LIG3: variants seen among roughly 807,000 people sequenced by gnomAD.
LIG3 encodes the protein DNA ligase 3, also known as ligase II, DNA, ATP-dependent.
A neutral mutation model predicts 110.9 loss-of-function variants in LIG3; 58 were observed. The ratio of observed to expected loss-of-function variants is 0.52; its 90% CI spans 0.42 to 0.65. LIG3 has a LOEUF of 0.65. Ranked by LOEUF, LIG3 falls within the 30% of genes least tolerant of loss-of-function variation. The pLI is 0.00. For synonymous variants in LIG3, 422 were observed against 472.8 expected, an observed-to-expected ratio of 0.89 and a Z score of 1.39; for missense variants, 1,094 against 1,273.8, an observed-to-expected ratio of 0.86 and a Z score of 2.15.
Position 35,005,640 on chromosome 17 carries a change from A to AT in LIG3, c.*1142dup, listed in dbSNP as rs745832766. On this transcript the variant is annotated 3_prime_UTR_variant, in exon 20 of 20. Coordinates refer to ENST00000378526, the MANE Select transcript of LIG3 (RefSeq NM_013975.4). ...CACCAAATATCCCAAAACTCAATCG[A>AT]TTTTTTTTCTTCTATTCATTGGATT... The AT allele has an allele frequency of 2.3e-5, 13 of 572,816 alleles. No homozygotes were observed. The highest frequency in any genetic ancestry group is 8.8e-5 in the East Asian group (2 of 22,734). 35.5% of individuals were successfully genotyped at this position (572,816 alleles called of 1,614,324 possible). A position where few individuals can be genotyped will look rare whatever the true frequency, so the allele number is the denominator to read the frequency against.
rs1316780969 is a variant in LIG3 at position 35,007,873 on chromosome 17, T to TAACA, written c.*3372_*3375dup. 1.3e-5 allele frequency: 2 copies of TAACA among 152,078 alleles called. No homozygotes were observed. Among genetic ancestry groups the TAACA allele is most frequent in the African/African-American group, 2.4e-5 (1 of 41,390 alleles). The allele number at this position is 152,078 out of a possible 1,614,324, so 9.4% of individuals were successfully genotyped here. A position where few individuals can be genotyped will look rare whatever the true frequency, so the allele number is the denominator to read the frequency against. On this transcript the variant is annotated 3_prime_UTR_variant, in exon 20 of 20. Transcript: ENST00000378526. ...CTCAGCCTCCCAAGTGGCTAAGACT[T>TAACA]AACAAACAGGCACACACCATCACTC...
At position 34,992,046 on chromosome 17, in the gene LIG3, G is replaced by A. The variant is rs1567689138; in HGVS notation, c.1286+11G>A. 6.2e-7 allele frequency: 1 copy of A among 1,611,776 alleles called. No homozygotes were observed. ...AGGTGCAAAACATGTGTAAGTAGCA[G>A]CTCCGCTGACAGCCTGAGCTGTCAT... On this transcript the variant is annotated intron_variant, in intron 7 of 19. Coordinates refer to ENST00000378526, the MANE Select transcript of LIG3 (RefSeq NM_013975.4).
intron 3 of LIG3, among the ~76,000 whole-genome samples, chr17:34,989,043 T>C (rs2090688915): frequency 6.6e-6 from 1 of 152,138 alleles, no homozygotes; most frequent in African/African-American, 2.4e-5. Context: ...GATCTTACTA[T>C]GTTGCCCAGG....
In LIG3 at chr17:34,982,984, T is replaced by A; in HGVS notation, c.-4-18T>A. ...ATATCTTTTTTTTTTTTTTTTGGCC[T>A]CCTACTCTTTCGTACAGCTATATGT... On this transcript the variant is annotated intron_variant, in intron 1 of 19. Coordinates refer to ENST00000378526, the MANE Select transcript of LIG3 (RefSeq NM_013975.4). 14 of 1,331,010 alleles carry A rather than the reference T, an allele frequency of 1.1e-5. No individual in the cohort carries two copies. The highest frequency in any genetic ancestry group is 1.4e-5 in the Non-Finnish European group (14 of 983,748). The allele number at this position is 1,331,010 out of a possible 1,614,324, so 82.4% of individuals were successfully genotyped here. A position where few individuals can be genotyped will look rare whatever the true frequency, so the allele number is the denominator to read the frequency against.
At chr17:34,981,729 C>T (rs2090595882) in intron 1 of LIG3, among the ~76,000 whole-genome samples, 1 of 152,212 alleles carries the variant, frequency 6.6e-6, no homozygotes, top group South Asian at 2.1e-4. Context: ...GCAAAGCCTG[C>T]TTTTTATTAT....
intron 3 of LIG3, among the ~76,000 whole-genome samples, chr17:34,989,100 G>A (rs2090689815): frequency 6.6e-6 from 1 of 151,858 alleles, no homozygotes; most frequent in African/African-American, 2.4e-5. Context: ...CGTTGGCCTC[G>A]CATAGTGTTA....
chr17:34,982,398 A>G (rs1051585629), intron 1 of LIG3, among the ~76,000 whole-genome samples: 1 of 152,170 alleles, frequency 6.6e-6, no homozygotes, highest in Non-Finnish European at 1.5e-5. Flanking sequence ...TAATCCCAGC[A>G]CTTTGGGAGG....
chr17:35,005,968 T>C lies in LIG3; in HGVS notation c.*1462T>C, dbSNP rs1366779863. ...ATTTTTTTTTTTCCTGCTGACCTAT[T>C]GATAATACCAACAATGTTGAGTGGC... On this transcript the variant is annotated 3_prime_UTR_variant, in exon 20 of 20. Transcript: ENST00000378526. 1 of 284,670 alleles carries C rather than the reference T, an allele frequency of 3.5e-6. No individual in the cohort carries two copies. The highest frequency in any genetic ancestry group is 4.9e-5 in the Admixed American group (1 of 20,410). 17.6% of individuals were successfully genotyped at this position (284,670 alleles called of 1,614,324 possible).
At chr17:34,988,155 T>C (rs1054421768) in intron 3 of LIG3, among the ~76,000 whole-genome samples, 3 of 132,670 alleles carry the variant, frequency 2.3e-5, no homozygotes, top group Admixed American at 9.1e-5. Flanking sequence ...ATCGCGCCAC[T>C]GCACTCCAGC....
At position 34,989,564 on chromosome 17, in the gene LIG3, CG is replaced by C; in HGVS notation, c.793del (p.Glu265SerfsTer41). ...CDPRHKDCLL[R>X]EFRKLCAMVA... is the part of the protein sequence containing the mutation. ...CCCCAGGCATAAGGACTGTCTGCTACGGGAGTTTCGAAAGTTATGCGCCATG... is the reference window on the plus strand; with the variant it reads ...CCCCAGGCATAAGGACTGTCTGCTACGGAGTTTCGAAAGTTATGCGCCATG... On this transcript the variant is annotated frameshift_variant, in exon 4 of 20. Transcript: ENST00000378526. LOFTEE classifies it high-confidence loss of function. 6.2e-7 allele frequency: 1 copy of C among 1,614,072 alleles called. No homozygotes were observed. Among genetic ancestry groups the C allele is most frequent in the Non-Finnish European group, 8.5e-7 (1 of 1,180,024 alleles).
intron 5 of LIG3, chr17:34,991,407 CTT>C (rs1178071532): frequency 3.5e-6 from 2 of 570,582 alleles, no homozygotes; most frequent in South Asian, 2.3e-5. Context: ...ATTCTGGACT[CTT>C]TTTTTCTTGC....
Position 35,007,369 on chromosome 17 carries a change from A to G in LIG3, c.*2863A>G, listed in dbSNP as rs1167032670. On this transcript the variant is annotated 3_prime_UTR_variant, in exon 20 of 20. Coordinates refer to ENST00000378526, the MANE Select transcript of LIG3 (RefSeq NM_013975.4). ...TATACTATTTTGTATCCTTTCATGT[A>G]TTTCTTTCATGTATTTCAATGCAGC... 6.6e-6 allele frequency: 1 copy of G among 151,808 alleles called. No individual in the cohort carries two copies. The highest frequency in any genetic ancestry group is 1.5e-5 in the Non-Finnish European group (1 of 67,934). The allele number at this position is 151,808 out of a possible 1,614,324, so 9.4% of individuals were successfully genotyped here.
chr17:34,992,014 T>G lies in LIG3; in HGVS notation c.1265T>G (p.Met422Arg), dbSNP rs1339920064. The change falls in exon 7 of 20, where the codon ATG (methionine) becomes AGG (arginine). Residue 422 changes from methionine to arginine, a missense_variant. Coordinates refer to ENST00000378526, the MANE Select transcript of LIG3 (RefSeq NM_013975.4). ...AGGTTGATCAAACATGATCTGAAGATGAACTCAGGTGCAAAACATGTGTAA... is the reference window on the plus strand; with the variant it reads ...AGGTTGATCAAACATGATCTGAAGAGGAACTCAGGTGCAAAACATGTGTAA... ...IIRLIKHDLK[M>R]NSGAKHVLDA... is the part of the protein sequence containing the mutation. 6.2e-7 allele frequency: 1 copy of G among 1,613,678 alleles called. No individual in the cohort carries two copies. The highest frequency in any genetic ancestry group is 8.5e-7 in the Non-Finnish European group (1 of 1,179,604).
At chr17:34,988,190 CAA>C (rs555462146) in intron 3 of LIG3, among the ~76,000 whole-genome samples, 19 of 45,708 alleles carry the variant, frequency 4.2e-4, no homozygotes, top group Middle Eastern at 0.011. Flanking sequence ...GACTCTGTCT[CAA>C]AAAAAAAAAA....
rs2090907875 is a variant in LIG3 at position 35,007,977 on chromosome 17, G to A, written c.*3471G>A. 6.6e-6 allele frequency: 1 copy of A among 152,366 alleles called. No individual in the cohort carries two copies. Among genetic ancestry groups the A allele is most frequent in the Non-Finnish European group, 1.5e-5 (1 of 68,078 alleles). 9.4% of individuals were successfully genotyped at this position (152,366 alleles called of 1,614,324 possible). ...ACTGGTCTCAAACTCCTGGCCTCGA[G>A]TCATCCACGCACCTCAGCCTCCCAA... is the stretch of plus-strand genomic sequence containing the variant. On this transcript the variant is annotated 3_prime_UTR_variant, in exon 20 of 20. Transcript: ENST00000378526.
At chr17:34,994,890 C>G (rs2090762080) in intron 9 of LIG3, among the ~76,000 whole-genome samples, 1 of 152,120 alleles carries the variant, frequency 6.6e-6, no homozygotes, top group African/African-American at 2.4e-5. Flanking sequence ...AAAAAATGGA[C>G]AAAAGTTCTG....
chr17:34,989,827 C>T (rs1182374845), intron 4 of LIG3, 164 bp downstream of exon 4: 6 of 660,892 alleles, frequency 9.1e-6, no homozygotes, highest in African/African-American at 9.1e-5. Flanking sequence ...CAAGGGGCCT[C>T]GCATTTGCAT....
At position 34,999,447 on chromosome 17, in the gene LIG3, A is replaced by C; in HGVS notation, c.2254A>C (p.Lys752Gln). The stretch of plus-strand genomic sequence containing the variant: ...TGAACTAGACATGGTGAAGATCAGC[A>C]AGGTGAGGAAGGGACCTGGTTGGCC... Reference protein sequence around the residue: ...QNELDMVKISKDPSKIPSWLK... With the variant: ...QNELDMVKISQDPSKIPSWLK... Residue 752 changes from lysine to glutamine, a missense_variant and splice_region_variant, in exon 15 of 20, where the codon AAG (lysine) becomes CAG (glutamine). Coordinates refer to ENST00000378526, the MANE Select transcript of LIG3 (RefSeq NM_013975.4). 6.2e-7 allele frequency: 1 copy of C among 1,613,648 alleles called. No homozygotes were observed. The highest frequency in any genetic ancestry group is 1.3e-5 in the African/African-American group (1 of 75,052).
Position 34,998,590 on chromosome 17 carries a change from T to A in LIG3, c.1990-14T>A. 3 of 1,612,340 alleles carry A rather than the reference T, an allele frequency of 1.9e-6. No individual in the cohort carries two copies. The highest frequency in any genetic ancestry group is 2.5e-6 in the Non-Finnish European group (3 of 1,179,758). On this transcript the variant is annotated splice_polypyrimidine_tract_variant and intron_variant, in intron 13 of 19. Transcript: ENST00000378526. ...GCCTTTCTATTCTGTGGTCTCTCTT[T>A]TGCTTCCCTTCAGGGTACATATGAG... is the stretch of plus-strand genomic sequence containing the variant.
Sources: gnomAD v4.1 joint callset for allele counts (sites outside exome capture counted in the v4.1 genomes callset) on GRCh38, gnomAD v4.1.1 for gene constraint, MANE v1.5 for transcripts, NCBI Gene and HGNC (gene_info 2026-07-23, HGNC 2026-07-21) for gene names.